CIB1: variants seen among roughly 807,000 people sequenced by gnomAD.
The protein encoded by CIB1 is calcium and integrin-binding protein 1.
Under a neutral mutation model 25.0 loss-of-function variants are expected in CIB1, and 19 were observed. That is an observed-to-expected ratio of 0.76 (90% confidence interval 0.53 to 1.12). The LOEUF is 1.12. Among genes scored for constraint, CIB1 ranks in the 50% most tolerant of loss-of-function variants. The pLI is 0.00. For missense variants in CIB1, 236 were observed against 242.6 expected, an observed-to-expected ratio of 0.97 and a Z score of 0.18; for synonymous variants, 104 against 98.5, an observed-to-expected ratio of 1.06 and a Z score of -0.33.
the CIB1 span, chr15:90,241,246 A>G: frequency 2.7e-4 from 434 of 1,614,184 alleles, 1 homozygote; most frequent in African/African-American, 5.2e-3. Flanking sequence ...CAGACCATCA[A>G]GAGTGTGAGG....
At chr15:90,257,251 G>A in the CIB1 span, 7 of 1,613,598 alleles carry the variant, frequency 4.3e-6, no homozygotes, top group Middle Eastern at 3.3e-4. Flanking sequence ...TTGCCACCAC[G>A]CCCTATATGG....
the CIB1 span, chr15:90,263,001 A>G: frequency 2.6e-6 from 4 of 1,535,968 alleles, no homozygotes; most frequent in Middle Eastern, 1.7e-4. Flanking sequence ...TGAGGCCTCA[A>G]GAAATTGTGG....
chr15:90,264,163 T>A, the CIB1 span: 2 of 702,628 alleles, frequency 2.8e-6, no homozygotes, highest in Non-Finnish European at 4.7e-6. Context: ...TCCACCAGTG[T>A]AAGAATGGGG....
At chr15:90,262,393 A>T in the CIB1 span, 3 of 1,305,664 alleles carry the variant, frequency 2.3e-6, no homozygotes, top group Non-Finnish European at 3.0e-6. Flanking sequence ...TCCTAAGAAC[A>T]GATTGTAATT....
chr15:90,255,238 G>A, the CIB1 span, among the ~76,000 whole-genome samples: 12 of 152,192 alleles, frequency 7.9e-5, no homozygotes, highest in South Asian at 2.1e-4. Flanking sequence ...GTGGCATCCC[G>A]GATGCTGCCA....
the CIB1 span, chr15:90,264,104 C>A: frequency 8.1e-7 from 1 of 1,237,796 alleles, no homozygotes. Context: ...TATGTAAATC[C>A]CACTAGCAAG....
chr15:90,254,202 TAAAA>T, the CIB1 span, among the ~76,000 whole-genome samples: 790 of 139,086 alleles, frequency 5.7e-3, 6 homozygotes, highest in Middle Eastern at 0.019. Context: ...TTTTTTTTTT[TAAAA>T]AAAAAAGGCT....
chr15:90,241,443 C>G, the CIB1 span: 1 of 1,613,608 alleles, frequency 6.2e-7, no homozygotes, highest in Non-Finnish European at 8.5e-7. Context: ...CCAGCTCCCC[C>G]AGCGCCTGCT....
chr15:90,240,785 G>T, the CIB1 span: 49 of 682,758 alleles, frequency 7.2e-5, no homozygotes, highest in African/African-American at 7.6e-4. Flanking sequence ...CTGCACTCCA[G>T]CCTGGGTGAC....
At chr15:90,232,117 G>T in intron 3 of CIB1, 102 bp downstream of exon 3, 1 of 894,954 alleles carries the variant, frequency 1.1e-6, no homozygotes, top group Non-Finnish European at 1.7e-6. Flanking sequence ...CCAGAGTGGG[G>T]ACCAGTGACC....
At chr15:90,256,182 G>A in the CIB1 span, 2 of 1,614,174 alleles carry the variant, frequency 1.2e-6, no homozygotes, top group South Asian at 1.1e-5. Context: ...CGAAAAGCCC[G>A]CACATATATC....
chr15:90,235,968 C>T (rs1177944378), upstream of CIB1: 1 of 152,216 alleles, frequency 6.6e-6, no homozygotes, highest in Non-Finnish European at 1.5e-5. Flanking sequence ...CATTATGTCT[C>T]CTGTACTAAA....
the CIB1 span, chr15:90,251,645 A>G: frequency 6.3e-7 from 1 of 1,594,084 alleles, no homozygotes; most frequent in Non-Finnish European, 8.6e-7. Context: ...TGGTGCCTAC[A>G]GCTGCTGTTC....
chr15:90,254,027 A>G, the CIB1 span, among the ~76,000 whole-genome samples: 1 of 152,196 alleles, frequency 6.6e-6, no homozygotes, highest in African/African-American at 2.4e-5. Context: ...GCTCCAGAGG[A>G]GGTTGGGTGT....
chr15:90,256,597 CTTT>C, the CIB1 span, among the ~76,000 whole-genome samples: 67 of 35,260 alleles, frequency 1.9e-3, 1 homozygote, highest in Middle Eastern at 0.024. Context: ...TTCTTTCTTT[CTTT>C]CTTTCTTTCC....
chr15:90,241,326 C>A, the CIB1 span: 6 of 1,614,192 alleles, frequency 3.7e-6, no homozygotes, highest in South Asian at 4.4e-5. Context: ...CCGTTTGCAC[C>A]GGGAGCCTGA....
the CIB1 span, chr15:90,258,739 G>A: frequency 1.2e-6 from 2 of 1,613,784 alleles, no homozygotes; most frequent in Non-Finnish European, 1.7e-6. Context: ...ACTCCTCCTG[G>A]CAGGTAAACC....
the CIB1 span, chr15:90,256,112 C>T: frequency 9.9e-6 from 16 of 1,610,380 alleles, no homozygotes; most frequent in Non-Finnish European, 1.2e-5. Context: ...TGCACAGAAA[C>T]CTTTTGACCA....
the CIB1 span, chr15:90,251,433 C>T: frequency 2.8e-6 from 3 of 1,062,544 alleles, no homozygotes; most frequent in African/African-American, 4.7e-5. Context: ...CCATCCTGGT[C>T]TGTCTTTTAA....
Sources: gnomAD v4.1 joint callset for allele counts (sites outside exome capture counted in the v4.1 genomes callset) on GRCh38, gnomAD v4.1.1 for gene constraint, MANE v1.5 for transcripts, NCBI Gene and HGNC (gene_info 2026-07-23, HGNC 2026-07-21) for gene names.